Variants in NKAIN3 observed in about 807,000 individuals in gnomAD.
The protein encoded by NKAIN3 is sodium/potassium transporting ATPase interacting 3, also known as sodium/potassium-transporting ATPase subunit beta-1-interacting protein 3.
A neutral mutation model predicts 30.2 loss-of-function variants in NKAIN3; 25 were observed. The ratio of observed to expected loss-of-function variants is 0.83; its 90% CI spans 0.60 to 1.16. The LOEUF (loss-of-function observed/expected upper bound fraction) is 1.16. NKAIN3 is among the 50% of genes most tolerant of loss of function. The pLI is 0.00. For synonymous variants in NKAIN3, 91 were observed against 89.6 expected, an observed-to-expected ratio of 1.02 and a Z score of -0.09; for missense variants, 225 against 254.1, an observed-to-expected ratio of 0.89 and a Z score of 0.78.
At chr8:62,940,001 T>C (rs1822905066) in intron 5 of NKAIN3, among the ~76,000 whole-genome samples, 2 of 152,150 alleles carry the variant, frequency 1.3e-5, no homozygotes, top group Non-Finnish European at 2.9e-5. Context: ...AAGTCTCTTC[T>C]GTCTTCAAGA....
At chr8:62,334,396 A>G (rs770713891) in intron 1 of NKAIN3, among the ~76,000 whole-genome samples, 3 of 152,030 alleles carry the variant, frequency 2.0e-5, no homozygotes, top group Non-Finnish European at 2.9e-5. Context: ...CTATCTTTAC[A>G]TGGCCTTTAC....
chr8:62,459,988 T>C (rs1005921142), intron 1 of NKAIN3, among the ~76,000 whole-genome samples: 1 of 152,196 alleles, frequency 6.6e-6, no homozygotes, highest in African/African-American at 2.4e-5. Flanking sequence ...GAGAATAGAC[T>C]GTAATGTGGT....
At chr8:62,256,466 G>A (rs945495814) in intron 1 of NKAIN3, among the ~76,000 whole-genome samples, 41 of 152,084 alleles carry the variant, frequency 2.7e-4, no homozygotes, top group Non-Finnish European at 1.5e-4. Context: ...TTTTAGAAGA[G>A]TTGCTTCTCT....
intron 3 of NKAIN3, among the ~76,000 whole-genome samples, chr8:62,684,306 C>G (rs983036421): frequency 6.6e-6 from 1 of 152,184 alleles, no homozygotes; most frequent in African/African-American, 2.4e-5. Flanking sequence ...TCAATTTCCT[C>G]TTCTTATAGG....
chr8:62,611,748 A>G (rs1488461340), intron 3 of NKAIN3, among the ~76,000 whole-genome samples: 2 of 152,166 alleles, frequency 1.3e-5, no homozygotes, highest in African/African-American at 4.8e-5. Context: ...GGCAACAAAC[A>G]TAGGAGTGCA....
chr8:62,891,546 C>A (rs536811773), intron 4 of NKAIN3, among the ~76,000 whole-genome samples: 1 of 152,290 alleles, frequency 6.6e-6, no homozygotes, highest in South Asian at 2.1e-4. Flanking sequence ...ATACACCTAT[C>A]CTATTAGTTG....
chr8:62,960,757 A>ACACACAC (rs60452313), intron 6 of NKAIN3, among the ~76,000 whole-genome samples: 2 of 151,674 alleles, frequency 1.3e-5, no homozygotes, highest in Admixed American at 6.6e-5. Flanking sequence ...ACACACACAC[A>ACACACAC]AGTGATTAGA....
chr8:62,250,818 AT>A (rs1812077889), intron 1 of NKAIN3, among the ~76,000 whole-genome samples: 2 of 152,222 alleles, frequency 1.3e-5, no homozygotes, highest in Admixed American at 1.3e-4. Context: ...TTATCTTAAA[AT>A]TCCATTTTTT....
At chr8:62,518,795 T>C (rs1377357123) in intron 1 of NKAIN3, among the ~76,000 whole-genome samples, 1 of 152,184 alleles carries the variant, frequency 6.6e-6, no homozygotes, top group Non-Finnish European at 1.5e-5. Context: ...TAATCTCAGC[T>C]GTTGCTAAGA....
At chr8:62,780,635 T>C (rs922115635) in intron 4 of NKAIN3, among the ~76,000 whole-genome samples, 2 of 152,126 alleles carry the variant, frequency 1.3e-5, no homozygotes, top group Admixed American at 6.5e-5. Flanking sequence ...GTTCAAAATA[T>C]GAAAATCAGT....
At chr8:62,800,508 G>A (rs1818020125) in intron 4 of NKAIN3, among the ~76,000 whole-genome samples, 1 of 152,146 alleles carries the variant, frequency 6.6e-6, no homozygotes, top group Non-Finnish European at 1.5e-5. Context: ...CCAGTACACA[G>A]AACTAAAATC....
chr8:62,401,960 C>G (rs1803888688), intron 1 of NKAIN3, among the ~76,000 whole-genome samples: 1 of 152,180 alleles, frequency 6.6e-6, no homozygotes, highest in Non-Finnish European at 1.5e-5. Flanking sequence ...GTTCTAGAAT[C>G]TGCTGGTGGT....
In NKAIN3 at chr8:62,969,568, T is replaced by C. The variant is rs1159973035; in HGVS notation, c.*4161T>C. ...ACTTTTTCTGAGTCACTTTAGTATG[T>C]AACTAGGATAAATTTCATAGTTGAT... On this transcript the variant is annotated 3_prime_UTR_variant, in exon 7 of 7. Transcript: ENST00000623646. 1.3e-5 allele frequency among the ~76,000 whole-genome samples: 2 copies of C among 152,212 alleles called. No homozygotes were observed. The highest frequency in any genetic ancestry group is 4.8e-5 in the African/African-American group (2 of 41,464).
intron 4 of NKAIN3, among the ~76,000 whole-genome samples, chr8:62,820,457 G>A (rs771564357): frequency 6.6e-6 from 1 of 152,148 alleles, no homozygotes; most frequent in Non-Finnish European, 1.5e-5. Flanking sequence ...TTAACCAAGT[G>A]TGAGAATATG....
chr8:62,864,133 C>T, intron 4 of NKAIN3: 1 of 619,734 alleles, frequency 1.6e-6, no homozygotes. Context: ...GATGGCGACG[C>T]GAGCGCGGAA....
intron 3 of NKAIN3, among the ~76,000 whole-genome samples, chr8:62,597,490 T>C (rs1029077098): frequency 6.6e-6 from 1 of 152,032 alleles, no homozygotes; most frequent in South Asian, 2.1e-4. Context: ...TTTTTGTTAA[T>C]AGGGTTTGTC....
rs1030425330 is a variant in NKAIN3 at position 62,735,378 on chromosome 8, C to T, written c.274-11554C>T. 4.4e-3 allele frequency among the ~76,000 whole-genome samples: 122 copies of T among 27,678 alleles called. 1 individual carries two copies. Among genetic ancestry groups the T allele is most frequent in the Non-Finnish European group, 9.3e-3 (99 of 10,652 alleles). The allele number at this position is 27,678 out of a possible 152,430, so 18.2% of individuals were successfully genotyped here. On this transcript the variant is annotated intron_variant, in intron 3 of 6. Coordinates refer to ENST00000623646, the MANE Select transcript of NKAIN3 (RefSeq NM_001304533.3). ...TCTTTCTTTCTTTCTTTCTTTCTTTCTTTTTTTTTTTTTTTTGAGCTCTGA... is the reference window on the plus strand; with the variant it reads ...TCTTTCTTTCTTTCTTTCTTTCTTTTTTTTTTTTTTTTTTTTGAGCTCTGA...
At position 62,837,272 on chromosome 8, in the gene NKAIN3, A is replaced by C. The variant is rs145286902; in HGVS notation, c.472-81181A>C. Among the ~76,000 whole-genome samples, 144 of 152,266 alleles carry C rather than the reference A, an allele frequency of 9.5e-4. 3 individuals carry two copies. The East Asian group carries it at 0.026, about 27-fold the overall frequency. ...AGATAGGGAAGGTAACACTCTCTCCATTTCAGTTAAAGCATTCCTTCATGA... is the reference window on the plus strand; with the variant it reads ...AGATAGGGAAGGTAACACTCTCTCCCTTTCAGTTAAAGCATTCCTTCATGA... On this transcript the variant is annotated intron_variant, in intron 4 of 6. Coordinates refer to ENST00000623646, the MANE Select transcript of NKAIN3 (RefSeq NM_001304533.3).
rs1819336072 is a variant in NKAIN3, at chr8:62,835,602, A to G, written c.472-82851A>G. ...AACATATGAAAAATTGCTCAATATC[A>G]TTATTCATCAGAGAAATGCAAACCA... On this transcript the variant is annotated intron_variant, in intron 4 of 6. Coordinates refer to ENST00000623646, the MANE Select transcript of NKAIN3 (RefSeq NM_001304533.3). 2.0e-5 allele frequency among the ~76,000 whole-genome samples: 3 copies of G among 152,266 alleles called. No individual in the cohort carries two copies. The South Asian group carries it at 6.2e-4, about 32-fold the overall frequency.
Sources: gnomAD v4.1 joint callset for allele counts (sites outside exome capture counted in the v4.1 genomes callset) on GRCh38, gnomAD v4.1.1 for gene constraint, MANE v1.5 for transcripts, NCBI Gene and HGNC (gene_info 2026-07-23, HGNC 2026-07-21) for gene names.